Variants in PARVG observed in about 807,000 individuals in gnomAD.
The protein encoded by PARVG is gamma-parvin.
Under a neutral mutation model 44.4 loss-of-function variants are expected in PARVG, and 36 were observed. The observed-to-expected ratio is 0.81, with a 90% CI of 0.62 to 1.07. The LOEUF (loss-of-function observed/expected upper bound fraction) is 1.07, where lower values mean the gene tolerates loss of function less well. PARVG is among the 50% of genes least tolerant of loss of function. The pLI is 0.00. For missense variants in PARVG, 407 were observed against 407.4 expected (o/e 1.00, Z 0.01); for synonymous variants, 170 against 174.1 (o/e 0.98, Z 0.19).
At position 44,196,201 on chromosome 22, in the gene PARVG, CGCAGTGAAA is replaced by C. The variant is rs2054614970; in HGVS notation, c.632_640del (p.Ala211_Lys213del). 4 of 1,614,188 alleles carry C rather than the reference CGCAGTGAAA, an allele frequency of 2.5e-6. No individual in the cohort carries two copies. Among genetic ancestry groups the C allele is most frequent in the Middle Eastern group, 1.7e-4 (1 of 6,060 alleles). On this transcript the variant is annotated inframe_deletion, in exon 10 of 14. Coordinates refer to ENST00000444313, the MANE Select transcript of PARVG (RefSeq NM_022141.7). ...TTAAGCTGGCTCCGGAGAAAGTGAACGCAGTGAAAGAGGTAGGAGAGATCAAAGCTCTCA... is the reference window on the plus strand; with the variant it reads ...TTAAGCTGGCTCCGGAGAAAGTGAACGAGGTAGGAGAGATCAAAGCTCTCA...
At chr22:44,190,766 C>T (rs2054537274) in intron 7 of PARVG, 100 bp downstream of exon 7, 1 of 1,015,454 alleles carries the variant, frequency 9.8e-7, no homozygotes. Flanking sequence ...GCGGGGCTGA[C>T]CCAGGGTGAG....
chr22:44,208,027 C>T lies in PARVG; in HGVS notation c.*1601C>T, dbSNP rs1488006069. 1.3e-5 allele frequency: 2 copies of T among 152,318 alleles called. No individual in the cohort carries two copies. Among genetic ancestry groups the T allele is most frequent in the African/African-American group, 2.4e-5 (1 of 41,424 alleles). The allele number at this position is 152,318 out of a possible 1,614,324, so 9.4% of individuals were successfully genotyped here. The stretch of plus-strand genomic sequence containing the variant: ...CACCTCAAATCCTCTCCTGGAGCTT[C>T]TGGGGACACAGGCTCAGCCTCTCTC... On this transcript the variant is annotated 3_prime_UTR_variant, in exon 14 of 14. Transcript: ENST00000444313.
intron 4 of PARVG, chr22:44,186,940 T>G (rs139133): frequency 0.25 from 76,462 of 303,826 alleles, 10,778 homozygotes; most frequent in Admixed American, 0.43. Flanking sequence ...GAACAGCTGC[T>G]CCCTGAGAAA....
chr22:44,186,485 C>A, intron 4 of PARVG: 1 of 459,158 alleles, frequency 2.2e-6, no homozygotes, highest in South Asian at 1.6e-5. Flanking sequence ...CTGGCCTACA[C>A]CATCTTCCAT....
intron 12 of PARVG, among the ~76,000 whole-genome samples, chr22:44,204,399 A>G (rs1055208449): frequency 2.6e-5 from 4 of 152,236 alleles, no homozygotes; most frequent in African/African-American, 9.6e-5. Flanking sequence ...AGACAGGTGT[A>G]TCATCCCCGT....
chr22:44,187,687 G>T, intron 4 of PARVG, 89 bp from the exon 5 acceptor site: 1 of 1,191,462 alleles, frequency 8.4e-7, no homozygotes, highest in Non-Finnish European at 1.2e-6. Context: ...GGTAGGAGTT[G>T]GCAGGCGAGA....
chr22:44,202,883 C>T (rs377318691), intron 12 of PARVG, among the ~76,000 whole-genome samples: 5 of 152,320 alleles, frequency 3.3e-5, no homozygotes, highest in South Asian at 4.1e-4. Flanking sequence ...ATAAAATCCC[C>T]GGAGCCAGGA....
chr22:44,199,455 C>T (rs571194404), intron 12 of PARVG, among the ~76,000 whole-genome samples: 14 of 152,328 alleles, frequency 9.2e-5, no homozygotes, highest in African/African-American at 2.6e-4. Flanking sequence ...CCTACCCACA[C>T]GCCTGTTCCC....
At chr22:44,175,546 A>T (rs1434036067) in intron 1 of PARVG, among the ~76,000 whole-genome samples, 1 of 152,234 alleles carries the variant, frequency 6.6e-6, no homozygotes, top group African/African-American at 2.4e-5. Flanking sequence ...TTAATACACC[A>T]TCATCATCTT....
chr22:44,173,171 GC>G (rs1569173007), exon 1 of PARVG: 23 of 1,274,258 alleles, frequency 1.8e-5, no homozygotes, highest in Non-Finnish European at 2.3e-5. Context: ...GGAGAAGAGG[GC>G]AGCAGAGTCA....
chr22:44,180,284 C>G (rs2054358397), upstream of PARVG, among the ~76,000 whole-genome samples: 1 of 152,210 alleles, frequency 6.6e-6, no homozygotes. Context: ...AACAGCTCCC[C>G]ATGTTGCTAG....
intron 1 of PARVG, among the ~76,000 whole-genome samples, chr22:44,175,249 C>T (rs975589960): frequency 8.5e-5 from 13 of 152,364 alleles, no homozygotes; most frequent in Non-Finnish European, 1.3e-4. Flanking sequence ...GGAGGGGGCT[C>T]TCTGCTTAGG....
At chr22:44,187,307 GTCCCCACCTCC>G in intron 4 of PARVG, 1 of 194,844 alleles carries the variant, frequency 5.1e-6, no homozygotes, top group Non-Finnish European at 1.1e-5. Flanking sequence ...CATCACTGCA[GTCCCCACCTCC>G]ATCTTCACGT....
At chr22:44,183,173 C>G (rs752767207) in intron 2 of PARVG, 145 bp from the exon 3 acceptor site, 4 of 675,086 alleles carry the variant, frequency 5.9e-6, no homozygotes, top group African/African-American at 5.7e-5. Flanking sequence ...AGGGCCCGTA[C>G]CCCCTGCCTA....
At chr22:44,195,994 G>A (rs891025568) in intron 9 of PARVG, 161 bp from the exon 10 acceptor site, 1 of 717,892 alleles carries the variant, frequency 1.4e-6, no homozygotes, top group Non-Finnish European at 2.3e-6. Context: ...CAGGAGAGCA[G>A]TGACTCAAAT....
chr22:44,174,734 T>A (rs1189419168), intron 1 of PARVG, among the ~76,000 whole-genome samples: 23 of 151,678 alleles, frequency 1.5e-4, no homozygotes, highest in Non-Finnish European at 2.6e-4. Context: ...AGACTCTGCC[T>A]CAAAAACAAA....
Position 44,189,638 on chromosome 22 carries a change from C to T in PARVG, c.388+384C>T, listed in dbSNP as rs902880853. Among the ~76,000 whole-genome samples, 3 of 152,158 alleles carry T rather than the reference C, an allele frequency of 2.0e-5. 1 individual carries two copies. Among genetic ancestry groups the T allele is most frequent in the South Asian group, 4.1e-4 (2 of 4,832 alleles). On this transcript the variant is annotated intron_variant, in intron 6 of 13. Coordinates refer to ENST00000444313, the MANE Select transcript of PARVG (RefSeq NM_022141.7). The stretch of plus-strand genomic sequence containing the variant: ...TATACAAAAAATGAGTGTGCCTGGT[C>T]GGGTGTGGTGTCTCACACCTGTAAT...
At chr22:44,193,918 C>A in intron 9 of PARVG, 95 bp downstream of exon 9, 1 of 1,458,958 alleles carries the variant, frequency 6.9e-7, no homozygotes, top group South Asian at 1.2e-5. Flanking sequence ...AGCATTCTCT[C>A]ATTTCCCTGT....
At chr22:44,204,535 G>C (rs35842976) in intron 12 of PARVG, among the ~76,000 whole-genome samples, 2 of 152,240 alleles carry the variant, frequency 1.3e-5, no homozygotes, top group Non-Finnish European at 2.9e-5. Context: ...CCTCTTGCTC[G>C]GGCCATCCAG....
Sources: gnomAD v4.1 joint callset for allele counts (sites outside exome capture counted in the v4.1 genomes callset) on GRCh38, gnomAD v4.1.1 for gene constraint, MANE v1.5 for transcripts, NCBI Gene and HGNC (gene_info 2026-07-23, HGNC 2026-07-21) for gene names.